SHANK2: variants seen among roughly 807,000 people sequenced by gnomAD.
SHANK2 encodes SH3 and multiple ankyrin repeat domains protein 2.
SHANK2 carries 43 observed loss-of-function variants against 133.7 expected under a neutral mutation model. The ratio of observed to expected loss-of-function variants is 0.32; its 90% CI spans 0.25 to 0.41. The LOEUF is 0.41. Ranked by LOEUF, SHANK2 falls within the 10% of genes least tolerant of loss-of-function variation. The pLI, the probability that SHANK2 is intolerant of heterozygous loss-of-function variation, is 1.00. For synonymous variants in SHANK2, 1,017 were observed against 952.8 expected (o/e 1.07, Z -1.24); for missense variants, 1,994 against 2,235.8 (o/e 0.89, Z 2.18).
chr11:71,061,311 C>G (rs1202012448), intron 9 of SHANK2, among the ~76,000 whole-genome samples: 4 of 152,258 alleles, frequency 2.6e-5, no homozygotes, highest in African/African-American at 9.6e-5. Context: ...GTACCCAGCC[C>G]AATTTTAATA....
chr11:70,916,284 G>A (rs1435289800), intron 10 of SHANK2, among the ~76,000 whole-genome samples: 4 of 152,104 alleles, frequency 2.6e-5, no homozygotes, highest in Admixed American at 6.5e-5. Flanking sequence ...TAATACTCAC[G>A]GGCACTGTCT....
intron 14 of SHANK2, among the ~76,000 whole-genome samples, chr11:70,779,857 C>A (rs1456139995): frequency 6.6e-6 from 1 of 152,218 alleles, no homozygotes; most frequent in Non-Finnish European, 1.5e-5. Context: ...CACCCCTGAC[C>A]CAGACCCGGC....
intron 2 of SHANK2, among the ~76,000 whole-genome samples, chr11:71,150,304 GAGGGAGGGAC>G (rs1197566651): frequency 1.5e-4 from 13 of 84,864 alleles, no homozygotes; most frequent in Non-Finnish European, 2.7e-4. Flanking sequence ...GGAGAAGGAA[GAGGGAGGGAC>G]AGGGAGGGAC....
chr11:70,614,319 T>G (rs1241816576), intron 17 of SHANK2, among the ~76,000 whole-genome samples: 4 of 150,778 alleles, frequency 2.7e-5, no homozygotes, highest in Admixed American at 2.0e-4. Flanking sequence ...TGGGTTTTGT[T>G]TTTTTTTTTG....
chr11:70,688,448 G>A (rs1223659283), intron 15 of SHANK2, among the ~76,000 whole-genome samples: 1 of 152,192 alleles, frequency 6.6e-6, no homozygotes, highest in Non-Finnish European at 1.5e-5. Flanking sequence ...TACTGGAGAA[G>A]GAGGAGTCCA....
rs782639824 is a variant in SHANK2, at chr11:71,156,174, G to C, written c.-12-8836C>G. On this transcript the variant is annotated intron_variant, in intron 2 of 25. Transcript: ENST00000601538. ...CAGGACTGTGAGACCATCAATGTCTGTCGTCTAGACTGCCAGTTCTGTGGT... is the reference window on the plus strand; with the variant it reads ...CAGGACTGTGAGACCATCAATGTCTCTCGTCTAGACTGCCAGTTCTGTGGT... 1.9e-4 allele frequency among the ~76,000 whole-genome samples: 29 copies of C among 152,348 alleles called. 1 individual carries two copies. The highest frequency in any genetic ancestry group is 1.2e-3 in the South Asian group (6 of 4,830).
intron 14 of SHANK2, among the ~76,000 whole-genome samples, chr11:70,790,242 AAGGC>A (rs1313473267): frequency 1.3e-5 from 2 of 152,186 alleles, no homozygotes; most frequent in African/African-American, 4.8e-5. Context: ...GAAGATGCGG[AAGGC>A]AGTCAAGTCC....
chr11:70,739,203 C>T lies in SHANK2; in HGVS notation c.1778-40440G>A, dbSNP rs1946470758. Reference sequence around the variant, plus strand: ...ACCAACTGAACCTCAGCCAGAGGGCCTGATGGTGGGGATGCGGCATGTGAA... The same window carrying T: ...ACCAACTGAACCTCAGCCAGAGGGCTTGATGGTGGGGATGCGGCATGTGAA... On this transcript the variant is annotated intron_variant, in intron 14 of 25. Coordinates refer to ENST00000601538, the MANE Select transcript of SHANK2 (RefSeq NM_012309.5). The surrounding 1 kb of genome is among the most constrained non-coding windows in gnomAD (Gnocchi z 4.3). Among the ~76,000 whole-genome samples, 1 of 152,212 alleles carries T rather than the reference C, an allele frequency of 6.6e-6. No individual in the cohort carries two copies. The highest frequency in any genetic ancestry group is 2.4e-5 in the African/African-American group (1 of 41,462).
At chr11:70,565,313 C>T (rs1418555029) in intron 17 of SHANK2, among the ~76,000 whole-genome samples, 12 of 152,144 alleles carry the variant, frequency 7.9e-5, no homozygotes, top group East Asian at 1.9e-4. Context: ...GGTGCGATCT[C>T]GGCTCACCGC....
intron 17 of SHANK2, among the ~76,000 whole-genome samples, chr11:70,519,930 T>TA (rs2059310595): frequency 6.8e-6 from 1 of 146,432 alleles, no homozygotes; most frequent in Non-Finnish European, 1.5e-5. Context: ...TTTTTTTTTT[T>TA]AAAGGCAAGG....
chr11:71,140,072 T>C (rs1952524278), intron 3 of SHANK2, among the ~76,000 whole-genome samples: 1 of 152,218 alleles, frequency 6.6e-6, no homozygotes, highest in African/African-American at 2.4e-5. Flanking sequence ...TTCCAGGAAC[T>C]GTCTCGTGTC....
chr11:71,226,799 A>G (rs1328692453), intron 1 of SHANK2: 1 of 152,114 alleles, frequency 6.6e-6, no homozygotes, highest in African/African-American at 2.4e-5. Context: ...ATAATAAAAG[A>G]AGGAGTTTTG....
At chr11:70,915,071 T>C (rs1950251220) in intron 10 of SHANK2, among the ~76,000 whole-genome samples, 1 of 152,218 alleles carries the variant, frequency 6.6e-6, no homozygotes, top group Non-Finnish European at 1.5e-5. Context: ...TAATGTGATC[T>C]GTGGGTGAAG....
chr11:70,684,659 GAA>G (rs1945106449), intron 15 of SHANK2, among the ~76,000 whole-genome samples: 1 of 152,064 alleles, frequency 6.6e-6, no homozygotes, highest in Non-Finnish European at 1.5e-5. Flanking sequence ...ACAGGCTGTG[GAA>G]AGAGTGTCAA....
At chr11:70,636,697 AC>A (rs2061100713) in intron 17 of SHANK2, among the ~76,000 whole-genome samples, 2 of 151,056 alleles carry the variant, frequency 1.3e-5, no homozygotes, top group Non-Finnish European at 3.0e-5. Flanking sequence ...ATGTGTAAGC[AC>A]GTGTGTGAAC....
At chr11:70,717,335 A>C (rs1181443346) in intron 14 of SHANK2, among the ~76,000 whole-genome samples, 1 of 152,020 alleles carries the variant, frequency 6.6e-6, no homozygotes, top group Non-Finnish European at 1.5e-5. Flanking sequence ...TGTCTTAAAA[A>C]CCCACTAGCC....
In SHANK2 at chr11:71,068,687, T is replaced by C. The variant is rs918188084; in HGVS notation, c.1029+6472A>G. On this transcript the variant is annotated intron_variant, in intron 9 of 25. Transcript: ENST00000601538. ...AGATTCTTCAGCATCACTGGGATTC[T>C]GGGTTATGGGCTGGAAGCCTGGCAG... is the stretch of plus-strand genomic sequence containing the variant. 3.0e-3 allele frequency among the ~76,000 whole-genome samples: 457 copies of C among 152,354 alleles called. 3 individuals are homozygous for C. The highest frequency in any genetic ancestry group is 9.7e-3 in the African/African-American group (404 of 41,586).
At chr11:70,568,653 C>CCT (rs782418370) in intron 17 of SHANK2, among the ~76,000 whole-genome samples, 2 of 129,998 alleles carry the variant, frequency 1.5e-5, no homozygotes. Context: ...CCTGCCCCCC[C>CCT]CGCCCACTTC....
intron 1 of SHANK2, among the ~76,000 whole-genome samples, chr11:71,227,798 T>A (rs1306944086): frequency 6.6e-6 from 1 of 152,004 alleles, no homozygotes; most frequent in Non-Finnish European, 1.5e-5. Context: ...ATAGCATATA[T>A]TAGAAAAGAA....
Sources: gnomAD v4.1 joint callset for allele counts (sites outside exome capture counted in the v4.1 genomes callset) on GRCh38, gnomAD v4.1.1 for gene constraint, Gnocchi (gnomAD v3.1) non-coding constraint, MANE v1.5 for transcripts, NCBI Gene and HGNC (gene_info 2026-07-23, HGNC 2026-07-21) for gene names.